TICAM2: variants seen among roughly 807,000 people sequenced by gnomAD.
TICAM2 encodes TIR domain-containing adapter molecule 2.
Under a neutral mutation model 7.3 loss-of-function variants are expected in TICAM2, and 8 were observed. The ratio of observed to expected loss-of-function variants is 1.10; its 90% CI spans 0.65 to 1.99. The LOEUF (loss-of-function observed/expected upper bound fraction) is 1.99, where lower values mean the gene tolerates loss of function less well. TICAM2 is among the 30% of genes most tolerant of loss of function. The pLI is 0.00. For synonymous variants in TICAM2, 113 were observed against 99.6 expected (o/e 1.13, Z -0.80); for missense variants, 304 against 278.8 (o/e 1.09, Z -0.65).
At chr5:115,598,924 C>G (rs1284729891) in intron 1 of TICAM2, among the ~76,000 whole-genome samples, 1 of 152,002 alleles carries the variant, frequency 6.6e-6, no homozygotes, top group Non-Finnish European at 1.5e-5. Flanking sequence ...TTCATTTCTA[C>G]ATAGTCCTCA....
chr5:115,591,658 T>G (rs541720820), intron 1 of TICAM2, among the ~76,000 whole-genome samples: 59 of 152,022 alleles, frequency 3.9e-4, no homozygotes, highest in Non-Finnish European at 7.1e-4. Flanking sequence ...GGATTTATCA[T>G]TAGATTAGAT....
chr5:115,600,295 A>T (rs1274857175), intron 1 of TICAM2, among the ~76,000 whole-genome samples: 1 of 152,204 alleles, frequency 6.6e-6, no homozygotes, highest in Non-Finnish European at 1.5e-5. Flanking sequence ...CCAAGTGGAG[A>T]TGCTGAGTAA....
intron 1 of TICAM2, among the ~76,000 whole-genome samples, chr5:115,586,707 A>G (rs1273142839): frequency 6.6e-6 from 1 of 152,194 alleles, no homozygotes; most frequent in African/African-American, 2.4e-5. Flanking sequence ...TTCATATCTG[A>G]ACAGCACCAT....
At chr5:115,595,006 C>T (rs1322176787) in intron 1 of TICAM2, among the ~76,000 whole-genome samples, 1 of 152,138 alleles carries the variant, frequency 6.6e-6, no homozygotes, top group Non-Finnish European at 1.5e-5. Flanking sequence ...GCACCCCTGA[C>T]TCTGCACACT....
intron 1 of TICAM2, among the ~76,000 whole-genome samples, chr5:115,596,755 T>G (rs1484641049): frequency 1.3e-5 from 2 of 152,020 alleles, no homozygotes; most frequent in Non-Finnish European, 2.9e-5. Flanking sequence ...CCGTCTCTAC[T>G]AAAAATGCAA....
At chr5:115,586,127 T>C (rs1182018557) in intron 1 of TICAM2, among the ~76,000 whole-genome samples, 1 of 152,200 alleles carries the variant, frequency 6.6e-6, no homozygotes, top group Non-Finnish European at 1.5e-5. Flanking sequence ...TATGAGATCA[T>C]TAAAGACTAT....
rs114353161 is a variant in TICAM2, at chr5:115,582,246, T to C, written c.-59-931A>G. On this transcript the variant is annotated intron_variant, in intron 1 of 1. Transcript: ENST00000427199. ...ATCTCAACTCACTGCAATCTCTGCC[T>C]CTCAGGCTCAAGCCATACTCCCACC... 9.5e-3 allele frequency among the ~76,000 whole-genome samples: 1,445 copies of C among 151,974 alleles called. 32 individuals carry two copies. The highest frequency in any genetic ancestry group is 0.033 in the African/African-American group (1,366 of 41,440).
Position 115,596,220 on chromosome 5 carries a change from T to C in TICAM2, c.-60+5877A>G, listed in dbSNP as rs1463663767. On this transcript the variant is annotated intron_variant, in intron 1 of 1. Coordinates refer to ENST00000427199, the MANE Select transcript of TICAM2 (RefSeq NM_021649.7). ...TTTTCATTCTAGATCAATGTCTCTA[T>C]CCTGGTCTTCTGCACTGCCTCCTAA... 3.3e-5 allele frequency among the ~76,000 whole-genome samples: 5 copies of C among 152,294 alleles called. No individual in the cohort carries two copies. In the East Asian group the frequency reaches 9.6e-4, roughly 29 times the overall value.
rs116045550 is a variant in TICAM2 at position 115,592,514 on chromosome 5, T to C, written c.-60+9583A>G. ...TCCTAACCCTCTCTCTCAATTATTATTAAAGATATAAATTCATAATTGGAA... is the reference window on the plus strand; with the variant it reads ...TCCTAACCCTCTCTCTCAATTATTACTAAAGATATAAATTCATAATTGGAA... On this transcript the variant is annotated intron_variant, in intron 1 of 1. Transcript: ENST00000427199. 2.1e-3 allele frequency among the ~76,000 whole-genome samples: 319 copies of C among 152,046 alleles called. 2 individuals carry two copies. Among genetic ancestry groups the C allele is most frequent in the African/African-American group, 7.1e-3 (295 of 41,480 alleles).
At chr5:115,585,362 TAC>T (rs1755065639) in intron 1 of TICAM2, among the ~76,000 whole-genome samples, 2 of 152,212 alleles carry the variant, frequency 1.3e-5, no homozygotes, top group South Asian at 4.1e-4. Context: ...AACTGTTTCT[TAC>T]CAGTCAATGA....
intron 1 of TICAM2, among the ~76,000 whole-genome samples, chr5:115,584,567 T>G (rs182195827): frequency 6.6e-6 from 1 of 152,332 alleles, no homozygotes; most frequent in East Asian, 1.9e-4. Flanking sequence ...GTAACAGTGA[T>G]TCATTTGGTC....
At chr5:115,601,748 C>A (rs967012313) in intron 1 of TICAM2, among the ~76,000 whole-genome samples, 4 of 152,238 alleles carry the variant, frequency 2.6e-5, no homozygotes, top group African/African-American at 9.6e-5. Context: ...ACCTCCAGCA[C>A]TGGCTCTGTG....
At chr5:115,600,776 A>T (rs1191756585) in intron 1 of TICAM2, among the ~76,000 whole-genome samples, 2 of 152,222 alleles carry the variant, frequency 1.3e-5, no homozygotes, top group Non-Finnish European at 2.9e-5. Context: ...AGGGAAAATG[A>T]AAATGGAGAC....
At chr5:115,583,669 G>A (rs1028633282) in intron 1 of TICAM2, among the ~76,000 whole-genome samples, 2 of 152,346 alleles carry the variant, frequency 1.3e-5, no homozygotes, top group Non-Finnish European at 2.9e-5. Context: ...CAGACATGGA[G>A]AGATGGTCAG....
At chr5:115,585,133 T>C (rs753895473) in intron 1 of TICAM2, among the ~76,000 whole-genome samples, 10 of 152,234 alleles carry the variant, frequency 6.6e-5, no homozygotes, top group Non-Finnish European at 1.5e-4. Flanking sequence ...TTTTATTTCA[T>C]TATCTGTAAA....
chr5:115,584,974 A>C (rs985553457), intron 1 of TICAM2, among the ~76,000 whole-genome samples: 2 of 152,206 alleles, frequency 1.3e-5, no homozygotes. Context: ...ATATAAAAGA[A>C]TATAAAGGAG....
At chr5:115,592,023 G>C (rs1755323385) in intron 1 of TICAM2, among the ~76,000 whole-genome samples, 1 of 152,138 alleles carries the variant, frequency 6.6e-6, no homozygotes, top group Admixed American at 6.5e-5. Context: ...AAAGAAAAAA[G>C]TCTTAAAAAC....
At chr5:115,588,839 G>C (rs1755204809) in intron 1 of TICAM2, among the ~76,000 whole-genome samples, 1 of 152,192 alleles carries the variant, frequency 6.6e-6, no homozygotes, top group South Asian at 2.1e-4. Context: ...GCTGCTTCCT[G>C]ATTTGGCAGG....
At chr5:115,596,545 C>G (rs1201844448) in intron 1 of TICAM2, among the ~76,000 whole-genome samples, 1 of 152,122 alleles carries the variant, frequency 6.6e-6, no homozygotes, top group East Asian at 1.9e-4. Context: ...ACCGGACAAT[C>G]AGAGCCAGGA....
Sources: gnomAD v4.1 joint callset for allele counts (sites outside exome capture counted in the v4.1 genomes callset) on GRCh38, gnomAD v4.1.1 for gene constraint, MANE v1.5 for transcripts, NCBI Gene and HGNC (gene_info 2026-07-23, HGNC 2026-07-21) for gene names.